DLC1: variants seen among roughly 807,000 people sequenced by gnomAD.
The protein encoded by DLC1 is DLC1 Rho GTPase activating protein.
In DLC1, 54 loss-of-function variants were observed where a neutral mutation model predicts 140.3. That is an observed-to-expected ratio of 0.38 (90% CI 0.31 to 0.48). The LOEUF (loss-of-function observed/expected upper bound fraction) is 0.48. Among genes scored for constraint, DLC1 ranks in the 20% least tolerant of loss-of-function variants. DLC1 has a pLI of 0.96. For synonymous variants in DLC1, 986 were observed against 728.1 expected (o/e 1.35, Z -5.70); for missense variants, 2,536 against 1,907.0 (o/e 1.33, Z -6.14).
chr8:13,145,891 T>A (rs981864931), intron 5 of DLC1, among the ~76,000 whole-genome samples: 7 of 152,188 alleles, frequency 4.6e-5, no homozygotes, highest in Non-Finnish European at 8.8e-5. Flanking sequence ...TGGGGGTAAC[T>A]TTAACAGGAA....
At chr8:13,517,433 G>GTT (rs1264773084), upstream of DLC1, among the ~76,000 whole-genome samples, 2 of 151,944 alleles carry the variant, frequency 1.3e-5, no homozygotes, top group Non-Finnish European at 2.9e-5. Context: ...AATACATTAT[G>GTT]TTTTCTTCTA....
chr8:13,380,689 G>A (rs1027934972), intron 4 of DLC1, among the ~76,000 whole-genome samples: 2 of 152,164 alleles, frequency 1.3e-5, no homozygotes, highest in Admixed American at 6.6e-5. Flanking sequence ...CATAATCACA[G>A]CTCAGGACAC....
intron 4 of DLC1, among the ~76,000 whole-genome samples, chr8:13,347,697 G>C (rs1354873409): frequency 6.6e-6 from 1 of 152,178 alleles, no homozygotes; most frequent in East Asian, 1.9e-4. Context: ...AAGATGGACA[G>C]GTCACAGTCT....
At chr8:13,375,334 C>T (rs1342346048) in intron 4 of DLC1, among the ~76,000 whole-genome samples, 1 of 152,114 alleles carries the variant, frequency 6.6e-6, no homozygotes, top group Non-Finnish European at 1.5e-5. Context: ...GCCAAGAATG[C>T]TTGTGATTTT....
At chr8:13,570,973 A>C (rs978785966) in intron 1 of DLC1, among the ~76,000 whole-genome samples, 1 of 152,166 alleles carries the variant, frequency 6.6e-6, no homozygotes, top group Non-Finnish European at 1.5e-5. Flanking sequence ...AGAGCACAGG[A>C]GGAGAGAACT....
At chr8:13,519,045 G>C (rs1309618662), upstream of DLC1, among the ~76,000 whole-genome samples, 1 of 151,818 alleles carries the variant, frequency 6.6e-6, no homozygotes, top group Admixed American at 6.6e-5. Flanking sequence ...ACAACATGCA[G>C]GTTTGTTACA....
At chr8:13,587,539 G>C (rs935812306) in intron 1 of DLC1, among the ~76,000 whole-genome samples, 19 of 143,562 alleles carry the variant, frequency 1.3e-4, no homozygotes, top group African/African-American at 4.9e-4. Flanking sequence ...GCACAAATGT[G>C]ACTATACACA....
At chr8:13,407,614 A>C (rs1001607305) in intron 2 of DLC1, among the ~76,000 whole-genome samples, 2 of 152,192 alleles carry the variant, frequency 1.3e-5, no homozygotes, top group Non-Finnish European at 2.9e-5. Context: ...TTGGTTTGGC[A>C]TATATAGCAT....
chr8:13,305,769 T>G (rs566273172), intron 4 of DLC1, among the ~76,000 whole-genome samples: 1 of 151,904 alleles, frequency 6.6e-6, no homozygotes, highest in South Asian at 2.1e-4. Context: ...CCCAGGGAGA[T>G]CAAAGCTGCA....
At chr8:13,299,055 G>A (rs574238896) in intron 5 of DLC1, among the ~76,000 whole-genome samples, 1 of 151,954 alleles carries the variant, frequency 6.6e-6, no homozygotes, top group African/African-American at 2.4e-5. Context: ...AAAATGCAGT[G>A]TTACTTTTCC....
chr8:13,202,089 G>C (rs1827420260), intron 5 of DLC1, among the ~76,000 whole-genome samples: 1 of 151,896 alleles, frequency 6.6e-6, no homozygotes, highest in Admixed American at 6.6e-5. Context: ...GGGACTACCA[G>C]TGCGCGCCAA....
chr8:13,585,294 T>C (rs1314698035), intron 1 of DLC1, among the ~76,000 whole-genome samples: 2 of 152,166 alleles, frequency 1.3e-5, no homozygotes, highest in African/African-American at 2.4e-5. Context: ...CCTAGCATGG[T>C]GGCTTACACC....
At chr8:13,477,724 A>G (rs1283284085) in intron 2 of DLC1, among the ~76,000 whole-genome samples, 1 of 152,158 alleles carries the variant, frequency 6.6e-6, no homozygotes, top group Non-Finnish European at 1.5e-5. Flanking sequence ...TTTGGATGGG[A>G]TGGAGACGAG....
At chr8:13,443,015 T>C (rs886906813) in intron 2 of DLC1, among the ~76,000 whole-genome samples, 9 of 152,118 alleles carry the variant, frequency 5.9e-5, no homozygotes, top group African/African-American at 2.2e-4. Context: ...CATGGAATAC[T>C]ATGCAGCCAT....
intron 16 of DLC1, among the ~76,000 whole-genome samples, chr8:13,087,818 T>A (rs1817694079): frequency 6.6e-6 from 1 of 152,230 alleles, no homozygotes; most frequent in Admixed American, 6.5e-5. Context: ...GAATTACACA[T>A]ACATCAGCCT....
At chr8:13,457,971 G>T (rs1292370892) in intron 2 of DLC1, among the ~76,000 whole-genome samples, 1 of 152,078 alleles carries the variant, frequency 6.6e-6, no homozygotes, top group Non-Finnish European at 1.5e-5. Context: ...CTTTATTAAA[G>T]TATAGAATAG....
At chr8:13,535,153 G>GA (rs1803233765) in intron 1 of DLC1, among the ~76,000 whole-genome samples, 1 of 151,956 alleles carries the variant, frequency 6.6e-6, no homozygotes, top group African/African-American at 2.4e-5. Context: ...AAGACATTAA[G>GA]AAAAAACATA....
chr8:13,394,119 A>G (rs1175011759), intron 3 of DLC1, among the ~76,000 whole-genome samples: 1 of 152,212 alleles, frequency 6.6e-6, no homozygotes, highest in African/African-American at 2.4e-5. Context: ...AAATACAAAG[A>G]GAGTTCTCAT....
At chr8:13,170,354 T>A (rs989013007) in intron 5 of DLC1, among the ~76,000 whole-genome samples, 6 of 152,216 alleles carry the variant, frequency 3.9e-5, no homozygotes, top group African/African-American at 1.4e-4. Context: ...TCATAGCAAC[T>A]AGAAATTAAT....
Sources: allele counts gnomAD v4.1 joint callset (sites outside exome capture counted in the v4.1 genomes callset), GRCh38; gene constraint gnomAD v4.1.1; transcripts MANE v1.5; gene names NCBI Gene and HGNC (gene_info 2026-07-23, HGNC 2026-07-21).